Variants in PTPRM observed in about 807,000 individuals in gnomAD.
PTPRM encodes receptor-type tyrosine-protein phosphatase mu.
Under a neutral mutation model 186.7 loss-of-function variants are expected in PTPRM, and 47 were observed. That is an observed-to-expected ratio of 0.25 (90% CI 0.20 to 0.32). PTPRM has a LOEUF of 0.32. Ranked by LOEUF, PTPRM falls within the 10% of genes least tolerant of loss-of-function variation. The pLI, the probability that PTPRM is intolerant of heterozygous loss-of-function variation, is 1.00. For missense variants in PTPRM, 1,494 were observed against 1,865.0 expected, an observed-to-expected ratio of 0.80 and a Z score of 3.66; for synonymous variants, 668 against 674.9, an observed-to-expected ratio of 0.99 and a Z score of 0.16.
At chr18:7,631,861 A>T (rs1466841015) in intron 1 of PTPRM, among the ~76,000 whole-genome samples, 1 of 152,194 alleles carries the variant, frequency 6.6e-6, no homozygotes, top group East Asian at 1.9e-4. Flanking sequence ...CTAGCACTAC[A>T]GATCTGTCAA....
chr18:8,288,670 A>G (rs1033083967), intron 19 of PTPRM, among the ~76,000 whole-genome samples: 2 of 152,146 alleles, frequency 1.3e-5, no homozygotes, highest in Non-Finnish European at 2.9e-5. Context: ...ACTCACTTGA[A>G]GGATATGTTT....
chr18:8,382,169 A>C (rs1328398554), intron 29 of PTPRM, among the ~76,000 whole-genome samples: 1 of 152,184 alleles, frequency 6.6e-6, no homozygotes, highest in African/African-American at 2.4e-5. Context: ...ATAGCACTCA[A>C]CTATTTTAAG....
chr18:8,084,074 AGTT>A (rs971296762), intron 9 of PTPRM, among the ~76,000 whole-genome samples: 1 of 152,156 alleles, frequency 6.6e-6, no homozygotes, highest in African/African-American at 2.4e-5. Flanking sequence ...ACTTTGTCAT[AGTT>A]GTTGGATCAC....
rs1030344076 is a variant in PTPRM, at chr18:8,063,337, C to T, written c.1133-6349C>T. On this transcript the variant is annotated intron_variant, in intron 7 of 32. Transcript: ENST00000580170. Reference sequence around the variant, plus strand: ...CGGCTTGCGCACACCCACTGGCCTGCGCCCACTGTCTGGCACTCCCTAGTG... The same window carrying T: ...CGGCTTGCGCACACCCACTGGCCTGTGCCCACTGTCTGGCACTCCCTAGTG... Among the ~76,000 whole-genome samples the T allele has an allele frequency of 1.5e-3, 230 of 151,114 alleles. 2 individuals are homozygous for T. Among genetic ancestry groups the T allele is most frequent in the African/African-American group, 5.3e-3 (213 of 40,486 alleles).
intron 2 of PTPRM, among the ~76,000 whole-genome samples, chr18:7,797,143 C>T (rs920288620): frequency 7.9e-5 from 12 of 152,242 alleles, no homozygotes; most frequent in African/African-American, 2.4e-4. Context: ...CTACTTGAGT[C>T]GAGTGTCTAG....
chr18:8,317,477 C>T (rs1164704803), intron 21 of PTPRM, among the ~76,000 whole-genome samples: 1 of 152,064 alleles, frequency 6.6e-6, no homozygotes, highest in Non-Finnish European at 1.5e-5. Context: ...AAGGTCTAGG[C>T]TGGAAACAAG....
chr18:8,291,467 G>A (rs574109912), intron 19 of PTPRM, among the ~76,000 whole-genome samples: 3 of 152,106 alleles, frequency 2.0e-5, no homozygotes, highest in Non-Finnish European at 4.4e-5. Context: ...AGTTTGAGAG[G>A]AACCCTTCTT....
intron 7 of PTPRM, among the ~76,000 whole-genome samples, chr18:8,067,014 G>C (rs2089136183): frequency 6.6e-6 from 1 of 152,164 alleles, no homozygotes; most frequent in Admixed American, 6.5e-5. Context: ...TATTTTCTTG[G>C]ATAAGGAATA....
intron 14 of PTPRM, among the ~76,000 whole-genome samples, chr18:8,159,074 A>G (rs1395583286): frequency 6.6e-6 from 1 of 152,186 alleles, no homozygotes; most frequent in Non-Finnish European, 1.5e-5. Flanking sequence ...TTAACAGGGA[A>G]ATGGTTTACC....
intron 14 of PTPRM, among the ~76,000 whole-genome samples, chr18:8,224,623 T>A (rs1466794758): frequency 6.6e-6 from 1 of 152,198 alleles, no homozygotes; most frequent in Non-Finnish European, 1.5e-5. Context: ...GGATTTTTAT[T>A]CTGATCCCAC....
intron 2 of PTPRM, among the ~76,000 whole-genome samples, chr18:7,840,781 T>C (rs546164490): frequency 1.1e-4 from 17 of 152,358 alleles, no homozygotes; most frequent in South Asian, 4.1e-4. Flanking sequence ...AGAATTTGTT[T>C]TGTTATAACT....
chr18:7,812,313 A>G (rs1449437924), intron 2 of PTPRM, among the ~76,000 whole-genome samples: 2 of 152,178 alleles, frequency 1.3e-5, no homozygotes, highest in African/African-American at 4.8e-5. Context: ...TCTTAGGTGC[A>G]TTGTGCACTG....
chr18:7,967,723 G>T, intron 7 of PTPRM, among the ~76,000 whole-genome samples: 1 of 132,164 alleles, frequency 7.6e-6, no homozygotes, highest in East Asian at 2.1e-4. Context: ...AAGATGAAAT[G>T]AATGAAATGA....
At position 7,720,677 on chromosome 18, in the gene PTPRM, GT is replaced by G. The variant is rs780519253; in HGVS notation, c.74-53471del. Among the ~76,000 whole-genome samples, 4 of 152,170 alleles carry G rather than the reference GT, an allele frequency of 2.6e-5. No homozygotes were observed. The East Asian group carries it at 5.8e-4, about 22-fold the overall frequency. ...CCACCGGAAACTATCATTCTACTTT[GT>G]GCCTCTCATTTTGACTACTCTAGGT... is the stretch of plus-strand genomic sequence containing the variant. On this transcript the variant is annotated intron_variant, in intron 1 of 32. Transcript: ENST00000580170.
chr18:7,796,142 A>G (rs1186836573), intron 2 of PTPRM, among the ~76,000 whole-genome samples: 1 of 150,692 alleles, frequency 6.6e-6, no homozygotes. Context: ...CCACACAGCA[A>G]TAACAAAGAT....
At chr18:8,365,558 A>C (rs2095623614) in intron 23 of PTPRM, among the ~76,000 whole-genome samples, 1 of 152,234 alleles carries the variant, frequency 6.6e-6, no homozygotes, top group African/African-American at 2.4e-5. Context: ...CCCCTTCCCC[A>C]AAACCACCTA....
chr18:8,021,072 C>G (rs1348119454), intron 7 of PTPRM, among the ~76,000 whole-genome samples: 1 of 152,038 alleles, frequency 6.6e-6, no homozygotes, highest in Non-Finnish European at 1.5e-5. Context: ...AGAAGGACTT[C>G]AAGAAAGGTT....
intron 2 of PTPRM, among the ~76,000 whole-genome samples, chr18:7,803,935 CA>C (rs936727255): frequency 7.2e-5 from 11 of 152,118 alleles, no homozygotes; most frequent in African/African-American, 2.7e-4. Context: ...GGCAGAAGAT[CA>C]AAAAAGCAAT....
chr18:8,275,942 T>C (rs1035952254), intron 19 of PTPRM, among the ~76,000 whole-genome samples: 1 of 152,124 alleles, frequency 6.6e-6, no homozygotes, highest in Non-Finnish European at 1.5e-5. Context: ...ATTAGTGAGC[T>C]CCATCCTACC....
Sources: allele counts gnomAD v4.1 joint callset (sites outside exome capture counted in the v4.1 genomes callset), GRCh38; gene constraint gnomAD v4.1.1; transcripts MANE v1.5; gene names NCBI Gene and HGNC (gene_info 2026-07-23, HGNC 2026-07-21).